The following CD244 variants were observed in gnomAD, a reference collection of about 807,000 sequenced individuals.
The protein encoded by CD244 is CD244 molecule.
Under a neutral mutation model 45.5 loss-of-function variants are expected in CD244, and 20 were observed. That is an observed-to-expected ratio of 0.44 (90% confidence interval 0.31 to 0.64). The LOEUF (loss-of-function observed/expected upper bound fraction) is 0.64. Among genes scored for constraint, CD244 ranks in the 30% least tolerant of loss-of-function variants. The pLI, the probability that CD244 is intolerant of heterozygous loss-of-function variation, is 0.08. For synonymous variants in CD244, 185 were observed against 160.5 expected, an observed-to-expected ratio of 1.15 and a Z score of -1.15; for missense variants, 407 against 426.9, an observed-to-expected ratio of 0.95 and a Z score of 0.41.
At position 160,831,391 on chromosome 1, in the gene CD244, G is replaced by T. The variant is rs138354575; in HGVS notation, c.1054C>A (p.Arg352=). ...TTCTCCAGCTCTTTGCGGCTCAATC[G>T]AGCAGGGTTCTGGGCTTTAGGTTGA... is the stretch of plus-strand genomic sequence containing the variant. ...KSQPKAQNPA[R]LSRKELENFD... is the part of the protein sequence containing the mutation. Residue 352 remains arginine (R), a synonymous_variant, in exon 9 of 9, where the codon CGA becomes AGA. Coordinates refer to ENST00000368034, the MANE Select transcript of CD244 (RefSeq NM_016382.4). 1.2e-6 allele frequency: 2 copies of T among 1,614,102 alleles called. No individual in the cohort carries two copies. The highest frequency in any genetic ancestry group is 1.1e-5 in the South Asian group (1 of 91,066).
chr1:160,853,153 T>C (rs1049476005), intron 1 of CD244, among the ~76,000 whole-genome samples: 1 of 152,256 alleles, frequency 6.6e-6, no homozygotes, highest in African/African-American at 2.4e-5. Flanking sequence ...AGCAAATAAA[T>C]CGTGTTATAG....
At position 160,842,849 on chromosome 1, in the gene CD244, G is replaced by A. The variant is rs530666618; in HGVS notation, c.62-948C>T. Among the ~76,000 whole-genome samples, 6 of 152,296 alleles carry A rather than the reference G, an allele frequency of 3.9e-5. 1 individual carries two copies. The highest frequency in any genetic ancestry group is 1.4e-4 in the African/African-American group (6 of 41,560). On this transcript the variant is annotated intron_variant, in intron 1 of 8. Transcript: ENST00000368034. ...GGGTGTGACAACCTAGAGCAATTCT[G>A]TGCAGTCAGTGTACAAAACTGGAAG...
rs1669560393 is a variant in CD244, at chr1:160,841,908, A to G, written c.62-7T>C. 1 of 1,612,328 alleles carries G rather than the reference A, an allele frequency of 6.2e-7. No individual in the cohort carries two copies. Among genetic ancestry groups the G allele is most frequent in the Admixed American group, 1.7e-5 (1 of 59,990 alleles). On this transcript the variant is annotated splice_polypyrimidine_tract_variant and splice_region_variant and intron_variant, in intron 1 of 8. Transcript: ENST00000368034. ...TCAGCTGATCCCTGGCATCCTAGGA[A>G]AGAGAACCCAAGCTGAAAGTAGCGG...
chr1:160,853,707 CT>C (rs1277030380), intron 1 of CD244, among the ~76,000 whole-genome samples: 1 of 149,828 alleles, frequency 6.7e-6, no homozygotes, highest in Non-Finnish European at 1.5e-5. Context: ...TCAGAAAAGC[CT>C]GGGAGGCAGG....
At chr1:160,839,306 C>A (rs781619174) in intron 3 of CD244, 12 of 338,546 alleles carry the variant, frequency 3.5e-5, no homozygotes, top group Non-Finnish European at 5.4e-5. Context: ...ATTTATTTAA[C>A]CTCTCTGGGC....
In CD244 at chr1:160,831,372, A is replaced by T; in HGVS notation, c.1073T>A (p.Leu358Gln). The T allele has an allele frequency of 5.0e-6, 8 of 1,614,124 alleles. No homozygotes were observed. Among genetic ancestry groups the T allele is most frequent in the Non-Finnish European group, 6.8e-6 (8 of 1,179,940 alleles). The change falls in exon 9 of 9, where the codon CTG (leucine) becomes CAG (glutamine). Residue 358 changes from leucine (L) to glutamine (Q), a missense_variant. Leu to Gln is a moderately radical substitution (Grantham distance 113, BLOSUM62 -2). Transcript: ENST00000368034. ...CTAGGAATAAACATCAAAGTTCTCC[A>T]GCTCTTTGCGGCTCAATCGAGCAGG... ...QNPARLSRKE[L>Q]ENFDVYS
chr1:160,855,772 T>C (rs548504358), intron 1 of CD244, among the ~76,000 whole-genome samples: 2 of 152,204 alleles, frequency 1.3e-5, no homozygotes, highest in Admixed American at 6.5e-5. Context: ...GGTGAACTAG[T>C]AACTCTGAAA....
intron 1 of CD244, among the ~76,000 whole-genome samples, chr1:160,861,370 T>G (rs1670296282): frequency 6.6e-6 from 1 of 152,240 alleles, no homozygotes; most frequent in East Asian, 1.9e-4. Flanking sequence ...ACTCGGTAAC[T>G]GAATTGAGTA....
In CD244 at chr1:160,848,171, AG is replaced by A. The variant is rs952817110; in HGVS notation, c.62-6271del. 170 of 501,470 alleles carry A rather than the reference AG, an allele frequency of 3.4e-4. No individual in the cohort carries two copies. In the Admixed American group the frequency reaches 3.5e-3, roughly 10 times the overall value. The allele number at this position is 501,470 out of a possible 1,614,324, so 31.1% of individuals were successfully genotyped here. A position where few individuals can be genotyped will look rare whatever the true frequency, so the allele number is the denominator to read the frequency against. On this transcript the variant is annotated intron_variant, in intron 1 of 8. Coordinates refer to ENST00000368034, the MANE Select transcript of CD244 (RefSeq NM_016382.4). ...TGGTTACAAGAGCTCCTGCTCTCAC[AG>A]GATTATTGCAGAATTTATGTGCCAG...
chr1:160,848,705 G>T (rs1426029328), intron 1 of CD244, among the ~76,000 whole-genome samples: 1 of 152,152 alleles, frequency 6.6e-6, no homozygotes, highest in Non-Finnish European at 1.5e-5. Context: ...ATGAAGTGAA[G>T]TCTCCATAAA....
intron 1 of CD244, among the ~76,000 whole-genome samples, chr1:160,849,528 A>C (rs562965174): frequency 6.6e-6 from 1 of 151,876 alleles, no homozygotes; most frequent in South Asian, 2.1e-4. Flanking sequence ...TTCAACTCCC[A>C]CTTTGAGTGA....
chr1:160,859,578 G>GA (rs564019350), intron 1 of CD244, among the ~76,000 whole-genome samples: 13 of 151,956 alleles, frequency 8.6e-5, no homozygotes, highest in Admixed American at 6.6e-4. Context: ...AATGGGCACA[G>GA]AAAAAAATTT....
intron 3 of CD244, among the ~76,000 whole-genome samples, 169 bp downstream of exon 3, chr1:160,841,041 C>A (rs1669523688): frequency 6.6e-6 from 1 of 152,210 alleles, no homozygotes; most frequent in African/African-American, 2.4e-5. Context: ...ATAGGCCTAG[C>A]TTTACAGGAA....
At chr1:160,855,731 G>T (rs1207213244) in intron 1 of CD244, among the ~76,000 whole-genome samples, 1 of 152,202 alleles carries the variant, frequency 6.6e-6, no homozygotes, top group Non-Finnish European at 1.5e-5. Context: ...GCAGCTTTGG[G>T]GGCCACCTTC....
chr1:160,846,863 G>C (rs1400476150), intron 1 of CD244, among the ~76,000 whole-genome samples: 1 of 152,146 alleles, frequency 6.6e-6, no homozygotes, highest in South Asian at 2.1e-4. Context: ...AATAAAAGTG[G>C]GGGGATAGAG....
At chr1:160,848,815 A>G (rs1208924518) in intron 1 of CD244, among the ~76,000 whole-genome samples, 1 of 151,342 alleles carries the variant, frequency 6.6e-6, no homozygotes, top group Admixed American at 6.6e-5. Context: ...CCCTTCCCCC[A>G]TACCTTGCCC....
In CD244 at chr1:160,832,887, T is replaced by TATATATATATATATAC. The variant is rs1157419927; in HGVS notation, c.961-313_961-312insGTATATATATATATAT. Among the ~76,000 whole-genome samples the TATATATATATATATAC allele has an allele frequency of 4.9e-5, 7 of 143,194 alleles. No individual in the cohort carries two copies. The South Asian group carries it at 6.8e-4, about 14-fold the overall frequency. 93.9% of individuals were successfully genotyped at this position (143,194 alleles called of 152,430 possible). On this transcript the variant is annotated intron_variant, in intron 7 of 8. Transcript: ENST00000368034. ...GTGTGTGTGTATATATATATATATA[T>TATATATATATATATAC]ACACACACACATATATATACATATT...
At position 160,841,415 on chromosome 1, in the gene CD244, C is replaced by T. The variant is rs1669536892; in HGVS notation, c.450G>A (p.Leu150=). The change falls in exon 3 of 9, where the codon CTG becomes CTA. Residue 150 remains leucine, a synonymous_variant. Transcript: ENST00000368034. ...TGCCATCCCTGGAGACCAAGCAAGA[C>T]AGAGCCACTTGGCATCTCCCTCTGT... ...ILDRGRCQVA[L]SCLVSRDGNV... 6.2e-7 allele frequency: 1 copy of T among 1,614,132 alleles called. No homozygotes were observed. The highest frequency in any genetic ancestry group is 1.3e-5 in the African/African-American group (1 of 74,934).
intron 1 of CD244, among the ~76,000 whole-genome samples, chr1:160,859,369 A>T (rs1404572086): frequency 1.3e-5 from 2 of 152,200 alleles, no homozygotes; most frequent in Non-Finnish European, 2.9e-5. Flanking sequence ...ATGAAAGAAG[A>T]AGTCTTTGGA....
Sources: gnomAD v4.1 joint callset for allele counts (sites outside exome capture counted in the v4.1 genomes callset) on GRCh38, gnomAD v4.1.1 for gene constraint, MANE v1.5 for transcripts, NCBI Gene and HGNC (gene_info 2026-07-23, HGNC 2026-07-21) for gene names.